The following KCNQ1 variants were observed in gnomAD, a reference collection of about 807,000 sequenced individuals.
KCNQ1 encodes the protein potassium voltage-gated channel subfamily Q member 1.
KCNQ1 carries 49 observed loss-of-function variants against 72.4 expected under a neutral mutation model. That is an observed-to-expected ratio of 0.68 (90% CI 0.54 to 0.86). The LOEUF is 0.86. Among genes scored for constraint, KCNQ1 ranks in the 40% least tolerant of loss-of-function variants. KCNQ1 has a pLI of 0.00. For missense variants in KCNQ1, 790 were observed against 945.1 expected, an observed-to-expected ratio of 0.84 and a Z score of 2.15; for synonymous variants, 450 against 412.6, an observed-to-expected ratio of 1.09 and a Z score of -1.10.
At chr11:2,845,071 G>A (rs1017988430) in intron 15 of KCNQ1, among the ~76,000 whole-genome samples, 1 of 152,160 alleles carries the variant, frequency 6.6e-6, no homozygotes, top group Non-Finnish European at 1.5e-5. Flanking sequence ...TGAAGGCTGA[G>A]AGACCTCCCA....
Position 2,673,138 on chromosome 11 carries a change from T to C in KCNQ1, c.1514+11057T>C. The C allele has an allele frequency of 2.5e-6, 1 of 398,668 alleles. No individual in the cohort carries two copies. The allele number at this position is 398,668 out of a possible 1,614,324, so 24.7% of individuals were successfully genotyped here. A position where few individuals can be genotyped will look rare whatever the true frequency, so the allele number is the denominator to read the frequency against. Reference sequence around the variant, plus strand: ...GCAGGCAGCATCAGGGCAGGGGTGCTGACCATCCCTGACCCAAGCACGAGG... The same window carrying C: ...GCAGGCAGCATCAGGGCAGGGGTGCCGACCATCCCTGACCCAAGCACGAGG... On this transcript the variant is annotated intron_variant, in intron 11 of 15. Transcript: ENST00000155840. This position sits in a 1 kb window ranked among gnomAD's most constrained non-coding sequence, Gnocchi z 4.5.
chr11:2,590,997 T>C (rs1848663567), intron 10 of KCNQ1, among the ~76,000 whole-genome samples: 1 of 152,250 alleles, frequency 6.6e-6, no homozygotes, highest in South Asian at 2.1e-4. Context: ...CATTCCCTTC[T>C]CAGCAGCCGT....
rs987092995 is a variant in KCNQ1, at chr11:2,762,695, C to T, written c.1515-6149C>T. Among the ~76,000 whole-genome samples the T allele has an allele frequency of 2.0e-5, 3 of 152,230 alleles. No homozygotes were observed. The highest frequency in any genetic ancestry group is 4.4e-5 in the Non-Finnish European group (3 of 68,036). ...GTGGCATTAGATTCTCGCAGGAGCG[C>T]GAACCCTGTTGTGAATGCACATGTG... is the stretch of plus-strand genomic sequence containing the variant. On this transcript the variant is annotated intron_variant, in intron 11 of 15. Coordinates refer to ENST00000155840, the MANE Select transcript of KCNQ1 (RefSeq NM_000218.3). The surrounding 1 kb of genome is among the most constrained non-coding windows in gnomAD (Gnocchi z 4.3).
At position 2,621,474 on chromosome 11, in the gene KCNQ1, AT is replaced by A. The variant is rs536880097; in HGVS notation, c.1393+32626del. The stretch of plus-strand genomic sequence containing the variant: ...TTTGCCAGATGAATAGTTTGCAAAT[AT>A]TTTTTCTCCCATTCTATATGTTGTC... On this transcript the variant is annotated intron_variant, in intron 10 of 15. Coordinates refer to ENST00000155840, the MANE Select transcript of KCNQ1 (RefSeq NM_000218.3). This position sits in a 1 kb window ranked among gnomAD's most constrained non-coding sequence, Gnocchi z 5.7. The A allele has an allele frequency of 7.6e-4, 302 of 398,260 alleles. 2 individuals carry two copies. The highest frequency in any genetic ancestry group is 5.9e-3 in the African/African-American group (286 of 48,614). 24.7% of individuals were successfully genotyped at this position (398,260 alleles called of 1,614,324 possible). A position where few individuals can be genotyped will look rare whatever the true frequency, so the allele number is the denominator to read the frequency against.
intron 10 of KCNQ1, chr11:2,646,684 C>T: frequency 2.5e-6 from 1 of 398,574 alleles, no homozygotes; most frequent in Non-Finnish European, 4.4e-6. Flanking sequence ...GCCACCACGC[C>T]CAGCTCATTT....
rs902061567 is a variant in KCNQ1 at position 2,691,722 on chromosome 11, C to T, written c.1514+29641C>T. 11 of 398,484 alleles carry T rather than the reference C, an allele frequency of 2.8e-5. No individual in the cohort carries two copies. The highest frequency in any genetic ancestry group is 6.2e-4 in the Middle Eastern group (1 of 1,614). The allele number at this position is 398,484 out of a possible 1,614,324, so 24.7% of individuals were successfully genotyped here. ...ATCTGTCCAGGGGAGAGGCAGCCCA[C>T]AGGGAGCCACACAGGCAGGGGACAT... On this transcript the variant is annotated intron_variant, in intron 11 of 15. Transcript: ENST00000155840. This position sits in a 1 kb window ranked among gnomAD's most constrained non-coding sequence, Gnocchi z 6.4.
intron 11 of KCNQ1, among the ~76,000 whole-genome samples, chr11:2,727,541 T>C (rs2133936969): frequency 6.6e-6 from 1 of 152,228 alleles, no homozygotes; most frequent in Admixed American, 6.5e-5. Context: ...CTGTCTGACA[T>C]GAGGCTCACA....
At chr11:2,835,419 A>G (rs867282937) in intron 15 of KCNQ1, among the ~76,000 whole-genome samples, 1 of 124,898 alleles carries the variant, frequency 8.0e-6, no homozygotes, top group African/African-American at 2.8e-5. Context: ...ACACACACAC[A>G]CACACACACG....
intron 1 of KCNQ1, among the ~76,000 whole-genome samples, chr11:2,448,049 G>A (rs1423777917): frequency 6.6e-6 from 1 of 152,216 alleles, no homozygotes; most frequent in Non-Finnish European, 1.5e-5. Context: ...GTTATCTGTG[G>A]TTGCTTGCGC....
chr11:2,615,143 T>G (rs1849040586), intron 10 of KCNQ1: 2 of 398,198 alleles, frequency 5.0e-6, no homozygotes, highest in Non-Finnish European at 8.9e-6. Context: ...GCTATTTTAC[T>G]CTTTTTGATG....
At chr11:2,525,976 C>T (rs1847496716) in intron 1 of KCNQ1, among the ~76,000 whole-genome samples, 1 of 152,184 alleles carries the variant, frequency 6.6e-6, no homozygotes, top group Non-Finnish European at 1.5e-5. Context: ...GTATAAAGGA[C>T]ACAGTTGGGG....
Position 2,640,172 on chromosome 11 carries a change from C to T in KCNQ1, c.1394-21789C>T, listed in dbSNP as rs989170187. 70 of 381,924 alleles carry T rather than the reference C, an allele frequency of 1.8e-4. No individual in the cohort carries two copies. The highest frequency in any genetic ancestry group is 1.5e-3 in the Admixed American group (33 of 22,154). The allele number at this position is 381,924 out of a possible 1,614,324, so 23.7% of individuals were successfully genotyped here. ...GTGCTTCCCAGGTGAGGCGATGCCT[C>T]GCCCTACTTCGTCTCACACTCAGTG... On this transcript the variant is annotated intron_variant, in intron 10 of 15. Coordinates refer to ENST00000155840, the MANE Select transcript of KCNQ1 (RefSeq NM_000218.3).
chr11:2,641,885 G>T, intron 10 of KCNQ1: 2 of 398,448 alleles, frequency 5.0e-6, no homozygotes, highest in Non-Finnish European at 8.9e-6. Context: ...TAAGTGAAGA[G>T]GGTGCTCTTT....
chr11:2,665,359 AC>A, intron 11 of KCNQ1: 1 of 397,650 alleles, frequency 2.5e-6, no homozygotes. Flanking sequence ...GTTGGGGAGC[AC>A]CCCCATGACA....
In KCNQ1 at chr11:2,826,622, G is replaced by T. The variant is rs1050988274; in HGVS notation, c.1795-21145G>T. Among the ~76,000 whole-genome samples, 1 of 152,242 alleles carries T rather than the reference G, an allele frequency of 6.6e-6. No individual in the cohort carries two copies. The highest frequency in any genetic ancestry group is 6.5e-5 in the Admixed American group (1 of 15,288). On this transcript the variant is annotated intron_variant, in intron 15 of 15. Transcript: ENST00000155840. This position sits in a 1 kb window ranked among gnomAD's most constrained non-coding sequence, Gnocchi z 4.2. ...GCCCTGGATTGGCTGTGGCACAAGA[G>T]GGCTGGCCCAGCACACCCAGCCCAC...
intron 1 of KCNQ1, among the ~76,000 whole-genome samples, chr11:2,521,886 G>C (rs1847388500): frequency 6.6e-6 from 1 of 152,202 alleles, no homozygotes; most frequent in African/African-American, 2.4e-5. Context: ...TGTGCGGCAG[G>C]GCAGGTCATG....
Position 2,682,367 on chromosome 11 carries a change from A to G in KCNQ1, c.1514+20286A>G, listed in dbSNP as rs1850412824. 1 of 398,636 alleles carries G rather than the reference A, an allele frequency of 2.5e-6. No homozygotes were observed. The highest frequency in any genetic ancestry group is 4.4e-6 in the Non-Finnish European group (1 of 226,088). The allele number at this position is 398,636 out of a possible 1,614,324, so 24.7% of individuals were successfully genotyped here. On this transcript the variant is annotated intron_variant, in intron 11 of 15. Coordinates refer to ENST00000155840, the MANE Select transcript of KCNQ1 (RefSeq NM_000218.3). This position sits in a 1 kb window ranked among gnomAD's most constrained non-coding sequence, Gnocchi z 5.8. ...AAGGGTTTACTGGCTGGCTCCTTCT[A>G]TCACATTCAAGGAGCATGAGGGTAT... is the stretch of plus-strand genomic sequence containing the variant.
chr11:2,482,877 C>T lies in KCNQ1; in HGVS notation c.386+37393C>T, dbSNP rs542272262. Among the ~76,000 whole-genome samples, 5 of 152,166 alleles carry T rather than the reference C, an allele frequency of 3.3e-5. No homozygotes were observed. The highest frequency in any genetic ancestry group is 9.6e-5 in the African/African-American group (4 of 41,478). On this transcript the variant is annotated intron_variant, in intron 1 of 15. Coordinates refer to ENST00000155840, the MANE Select transcript of KCNQ1 (RefSeq NM_000218.3). The surrounding 1 kb of genome is among the most constrained non-coding windows in gnomAD (Gnocchi z 5.7). ...GGGGAAACCAGGAGTGAGTGGAGCA[C>T]GAGGGTCACCCTCCAGGAAGTGACC...
rs142581282 is a variant in KCNQ1, at chr11:2,713,484, G to A, written c.1514+51403G>A. On this transcript the variant is annotated intron_variant, in intron 11 of 15. Transcript: ENST00000155840. This position sits in a 1 kb window ranked among gnomAD's most constrained non-coding sequence, Gnocchi z 5.6. ...CAGCCATTGTAGATTTTGATTAATC[G>A]CCATCCCCATTATTTCTTCACTTTC... Among the ~76,000 whole-genome samples the A allele has an allele frequency of 2.2e-4, 34 of 152,256 alleles. No homozygotes were observed. The East Asian group carries it at 5.8e-3, about 26-fold the overall frequency.
Sources: gnomAD v4.1 joint callset for allele counts (sites outside exome capture counted in the v4.1 genomes callset) on GRCh38, gnomAD v4.1.1 for gene constraint, Gnocchi (gnomAD v3.1) non-coding constraint, MANE v1.5 for transcripts, NCBI Gene and HGNC (gene_info 2026-07-23, HGNC 2026-07-21) for gene names.